Variants in AGBL1 observed in about 807,000 individuals in gnomAD.
AGBL1 encodes the protein AGBL carboxypeptidase 1.
A neutral mutation model predicts 118.9 loss-of-function variants in AGBL1; 130 were observed. The ratio of observed to expected loss-of-function variants is 1.09; its 90% CI spans 0.95 to 1.26. The LOEUF is 1.26. AGBL1 is among the 50% of genes most tolerant of loss of function. AGBL1 has a pLI of 0.00. For missense variants in AGBL1, 1,584 were observed against 1,298.1 expected (o/e 1.22, Z -3.38); for synonymous variants, 555 against 478.9 (o/e 1.16, Z -2.08).
At chr15:86,317,663 A>G (rs571486889) in intron 17 of AGBL1, among the ~76,000 whole-genome samples, 2 of 152,352 alleles carry the variant, frequency 1.3e-5, no homozygotes, top group South Asian at 2.1e-4. Context: ...TAGAGCAGGG[A>G]TTGACAAACT....
At chr15:86,709,357 T>G (rs1435423353) in intron 22 of AGBL1, among the ~76,000 whole-genome samples, 1 of 151,898 alleles carries the variant, frequency 6.6e-6, no homozygotes, top group Admixed American at 6.6e-5. Context: ...AAAAAGCAGG[T>G]GGGGAAGGCA....
intron 17 of AGBL1, among the ~76,000 whole-genome samples, chr15:86,341,855 G>T (rs1450633815): frequency 1.3e-5 from 2 of 152,028 alleles, no homozygotes; most frequent in Non-Finnish European, 2.9e-5. Context: ...AACATTAATA[G>T]TAACACTTTT....
At chr15:86,775,802 A>G (rs2078247725) in intron 22 of AGBL1, among the ~76,000 whole-genome samples, 1 of 152,164 alleles carries the variant, frequency 6.6e-6, no homozygotes, top group South Asian at 2.1e-4. Context: ...AAAAACATTT[A>G]GAAAATATTA....
chr15:86,726,613 G>C (rs2086822289), intron 22 of AGBL1, among the ~76,000 whole-genome samples: 1 of 152,180 alleles, frequency 6.6e-6, no homozygotes. Flanking sequence ...CCAAGGTGGA[G>C]TGCAGTGGTA....
chr15:86,317,174 G>C (rs1417657743), intron 17 of AGBL1: 2 of 152,178 alleles, frequency 1.3e-5, no homozygotes, highest in Admixed American at 1.3e-4. Flanking sequence ...TATCAATACT[G>C]TTCTTAAAGG....
chr15:86,554,048 C>T (rs963454847), intron 20 of AGBL1, among the ~76,000 whole-genome samples: 25 of 151,838 alleles, frequency 1.6e-4, no homozygotes, highest in African/African-American at 5.3e-4. Flanking sequence ...TTTAGTAAGA[C>T]GGGGTTTCAC....
intron 19 of AGBL1, among the ~76,000 whole-genome samples, chr15:86,544,089 T>G (rs2083543705): frequency 6.6e-6 from 1 of 152,164 alleles, no homozygotes; most frequent in African/African-American, 2.4e-5. Context: ...GGAGGAGAGA[T>G]TATTCTAACA....
At chr15:86,672,606 C>T (rs2085766666) in intron 21 of AGBL1, among the ~76,000 whole-genome samples, 2 of 152,104 alleles carry the variant, frequency 1.3e-5, no homozygotes, top group South Asian at 4.2e-4. Flanking sequence ...ACCTTCACTT[C>T]CAATCAAGCC....
intron 23 of AGBL1, among the ~76,000 whole-genome samples, chr15:86,975,461 C>A (rs1200250075): frequency 6.6e-6 from 1 of 152,076 alleles, no homozygotes; most frequent in Non-Finnish European, 1.5e-5. Context: ...CCCACGACAC[C>A]TGGGAATTAT....
intron 22 of AGBL1, among the ~76,000 whole-genome samples, chr15:86,760,311 G>A (rs979550245): frequency 2.6e-5 from 4 of 152,048 alleles, no homozygotes; most frequent in Non-Finnish European, 5.9e-5. Flanking sequence ...GCCTTGGGGA[G>A]AATTAGGTGC....
chr15:86,767,817 G>A (rs1045237754), intron 22 of AGBL1, among the ~76,000 whole-genome samples: 1 of 151,924 alleles, frequency 6.6e-6, no homozygotes, highest in African/African-American at 2.4e-5. Context: ...GTAGCATTCT[G>A]TAAAGCATGC....
chr15:86,279,590 C>T, intron 15 of AGBL1, 49 bp from the exon 16 acceptor site: 2 of 1,577,592 alleles, frequency 1.3e-6, no homozygotes, highest in Non-Finnish European at 1.7e-6. Context: ...CCCTGCACCC[C>T]CCTCCCACCT....
chr15:86,449,261 C>T (rs994036107), intron 18 of AGBL1, among the ~76,000 whole-genome samples: 2 of 152,152 alleles, frequency 1.3e-5, no homozygotes, highest in Non-Finnish European at 2.9e-5. Flanking sequence ...TATGCTTAAG[C>T]ACTACATGAA....
chr15:86,802,936 A>T (rs1162436046), intron 22 of AGBL1, among the ~76,000 whole-genome samples: 1 of 152,174 alleles, frequency 6.6e-6, no homozygotes, highest in East Asian at 1.9e-4. Context: ...ATGACGTAAG[A>T]TAGGTAAGAA....
In AGBL1 at chr15:86,397,383, G is replaced by T. The variant is rs370465669; in HGVS notation, c.2392G>T (p.Val798Leu). ...TTCTGCAGGACATCGTCCATATCAG[G>T]TGATCACTGCTCGAGTTCATCCAGG... ...LEQFRHRPYQVITARVHPGES... is the reference protein window; with the variant it reads ...LEQFRHRPYQLITARVHPGES... The change falls in exon 18 of 23, where the codon GTG (valine) becomes TTG (leucine). Residue 798 changes from valine to leucine, a missense_variant. By Grantham distance (32) the Val-to-Leu change is conservative (BLOSUM62 1). Transcript: ENST00000614907. 35 of 1,603,970 alleles carry T rather than the reference G, an allele frequency of 2.2e-5. No homozygotes were observed. Among genetic ancestry groups the T allele is most frequent in the East Asian group, 2.0e-4 (9 of 44,740 alleles).
chr15:86,709,691 A>G (rs1381764517), intron 22 of AGBL1, among the ~76,000 whole-genome samples: 1 of 152,168 alleles, frequency 6.6e-6, no homozygotes, highest in Non-Finnish European at 1.5e-5. Flanking sequence ...TAGGTATTTG[A>G]TCTATGGGAA....
At chr15:86,327,888 G>A (rs1053937751) in intron 17 of AGBL1, among the ~76,000 whole-genome samples, 1 of 152,100 alleles carries the variant, frequency 6.6e-6, no homozygotes, top group Non-Finnish European at 1.5e-5. Flanking sequence ...GGTGTGTCGG[G>A]GTACGTCCTC....
intron 18 of AGBL1, among the ~76,000 whole-genome samples, chr15:86,473,908 T>C (rs903973735): frequency 6.6e-6 from 1 of 152,198 alleles, no homozygotes. Context: ...TTTGGAAAAT[T>C]GTGTGGACTT....
At chr15:86,685,571 T>C (rs1467374669) in intron 22 of AGBL1, among the ~76,000 whole-genome samples, 3 of 152,156 alleles carry the variant, frequency 2.0e-5, no homozygotes, top group African/African-American at 7.2e-5. Context: ...ACGATAATGA[T>C]ATAGAATACC....
Sources: gnomAD v4.1 joint callset for allele counts (sites outside exome capture counted in the v4.1 genomes callset) on GRCh38, gnomAD v4.1.1 for gene constraint, MANE v1.5 for transcripts, NCBI Gene and HGNC (gene_info 2026-07-23, HGNC 2026-07-21) for gene names.